Variants in CNTN4 observed in about 807,000 individuals in gnomAD.
The protein encoded by CNTN4 is contactin-4.
Under a neutral mutation model 122.5 loss-of-function variants are expected in CNTN4, and 77 were observed. The ratio of observed to expected loss-of-function variants is 0.63; its 90% CI spans 0.52 to 0.76. The LOEUF (loss-of-function observed/expected upper bound fraction) is 0.76, where lower values mean the gene tolerates loss of function less well. Among genes scored for constraint, CNTN4 ranks in the 30% least tolerant of loss-of-function variants. The probability of loss-of-function intolerance (pLI) is 0.00; values close to 1 mark genes in which losing one functional copy is unlikely to be tolerated. For missense variants in CNTN4, 1,256 were observed against 1,259.1 expected, an observed-to-expected ratio of 1.00 and a Z score of 0.04; for synonymous variants, 512 against 447.0, an observed-to-expected ratio of 1.15 and a Z score of -1.83.
intron 5 of CNTN4, among the ~76,000 whole-genome samples, chr3:2,744,663 T>G (rs1339076282): frequency 2.0e-5 from 3 of 152,226 alleles, no homozygotes; most frequent in Non-Finnish European, 1.5e-5. Context: ...TTTAAATGAC[T>G]TCTGAAAGGA....
chr3:2,654,476 T>C (rs1413971503), intron 4 of CNTN4, among the ~76,000 whole-genome samples: 1 of 152,242 alleles, frequency 6.6e-6, no homozygotes, highest in Non-Finnish European at 1.5e-5. Context: ...TACAATCCTT[T>C]TTTCTCATGC....
At chr3:2,496,690 C>G (rs1390583486) in intron 3 of CNTN4, among the ~76,000 whole-genome samples, 3 of 152,220 alleles carry the variant, frequency 2.0e-5, no homozygotes, top group Middle Eastern at 3.4e-3. Context: ...GTTCAGTTCC[C>G]TTTTCCAAAG....
At chr3:2,818,546 G>T (rs1256538586) in intron 6 of CNTN4, among the ~76,000 whole-genome samples, 1 of 152,044 alleles carries the variant, frequency 6.6e-6, no homozygotes, top group Non-Finnish European at 1.5e-5. Context: ...TAAATCAAAT[G>T]TAATAGACAA....
chr3:2,260,595 A>G (rs1476404734), intron 2 of CNTN4, among the ~76,000 whole-genome samples: 1 of 152,182 alleles, frequency 6.6e-6, no homozygotes, highest in African/African-American at 2.4e-5. Flanking sequence ...AAGCTCACTC[A>G]TACAGATTCC....
chr3:2,194,718 G>C (rs897137730), intron 2 of CNTN4, among the ~76,000 whole-genome samples: 2 of 152,138 alleles, frequency 1.3e-5, no homozygotes, highest in African/African-American at 4.8e-5. Context: ...TTGACAGGCA[G>C]GCAAAATGCC....
intron 2 of CNTN4, among the ~76,000 whole-genome samples, chr3:2,246,035 A>G (rs569934000): frequency 2.6e-5 from 4 of 152,070 alleles, no homozygotes; most frequent in African/African-American, 9.6e-5. Flanking sequence ...CTCTTAGATA[A>G]ATACCTTTCT....
chr3:2,460,856 G>A (rs2049178548), intron 3 of CNTN4, among the ~76,000 whole-genome samples: 1 of 151,730 alleles, frequency 6.6e-6, no homozygotes, highest in South Asian at 2.1e-4. Flanking sequence ...GTGGTGCCAT[G>A]ATAATCACTG....
In CNTN4 at chr3:2,684,738, A is replaced by T. The variant is rs184873834; in HGVS notation, c.56-51477A>T. On this transcript the variant is annotated intron_variant, in intron 4 of 24. Coordinates refer to ENST00000418658, the MANE Select transcript of CNTN4 (RefSeq NM_175607.3). ...TCAAAGTACTTACATAAGCTTCAAC[A>T]TTTTTTCCTTGTCTATGGTCATATT... is the stretch of plus-strand genomic sequence containing the variant. Among the ~76,000 whole-genome samples the T allele has an allele frequency of 1.2e-3, 180 of 152,218 alleles. 1 individual carries two copies. The highest frequency in any genetic ancestry group is 4.1e-4 in the South Asian group (2 of 4,832).
chr3:2,711,947 TCTTC>T (rs1185065971), intron 4 of CNTN4, among the ~76,000 whole-genome samples: 4 of 152,234 alleles, frequency 2.6e-5, no homozygotes, highest in Admixed American at 6.5e-5. Context: ...TTTTTAAAAC[TCTTC>T]CTTCATTATA....
At chr3:2,680,257 A>C (rs1223690639) in intron 4 of CNTN4, among the ~76,000 whole-genome samples, 1 of 152,204 alleles carries the variant, frequency 6.6e-6, no homozygotes, top group Admixed American at 6.5e-5. Context: ...CAAGGCTTCA[A>C]AAAGAGGGAG....
chr3:2,178,947 T>C (rs2036883001), intron 2 of CNTN4, among the ~76,000 whole-genome samples: 1 of 152,006 alleles, frequency 6.6e-6, no homozygotes, highest in South Asian at 2.1e-4. Context: ...ATCCTTTAGG[T>C]TGGAACTGAG....
chr3:2,912,513 T>C (rs1397663068), intron 12 of CNTN4, among the ~76,000 whole-genome samples: 2 of 152,160 alleles, frequency 1.3e-5, no homozygotes, highest in African/African-American at 4.8e-5. Flanking sequence ...TAGATAAAGG[T>C]AAACATACAG....
chr3:2,874,267 C>T (rs2093818040), intron 8 of CNTN4, among the ~76,000 whole-genome samples: 1 of 152,114 alleles, frequency 6.6e-6, no homozygotes, highest in African/African-American at 2.4e-5. Flanking sequence ...GTGTGGCACA[C>T]TATGAAATAA....
intron 14 of CNTN4, among the ~76,000 whole-genome samples, chr3:2,999,746 C>T (rs1260001816): frequency 1.3e-5 from 2 of 152,120 alleles, no homozygotes; most frequent in Non-Finnish European, 2.9e-5. Context: ...TCCTAAAAGC[C>T]GTACTTCTTA....
chr3:3,031,360 C>G (rs1424465692), intron 16 of CNTN4, among the ~76,000 whole-genome samples: 1 of 152,160 alleles, frequency 6.6e-6, no homozygotes, highest in Admixed American at 6.5e-5. Flanking sequence ...TCCTAGGCCA[C>G]TGGTATAACA....
At chr3:3,000,890 T>A (rs1695970181) in intron 14 of CNTN4, among the ~76,000 whole-genome samples, 1 of 151,766 alleles carries the variant, frequency 6.6e-6, no homozygotes. Flanking sequence ...CTTTTTTTTT[T>A]TTTTTTGCTT....
intron 2 of CNTN4, among the ~76,000 whole-genome samples, chr3:2,181,368 A>G (rs570498089): frequency 1.3e-5 from 2 of 152,058 alleles, no homozygotes; most frequent in Non-Finnish European, 2.9e-5. Flanking sequence ...AGTGATGTAT[A>G]AGGGGACAGG....
intron 4 of CNTN4, among the ~76,000 whole-genome samples, chr3:2,708,863 C>CT (rs1017759667): frequency 1.3e-5 from 2 of 152,026 alleles, no homozygotes; most frequent in East Asian, 1.9e-4. Context: ...GAAGATAAAT[C>CT]TTTTTTAAAA....
intron 13 of CNTN4, among the ~76,000 whole-genome samples, chr3:2,986,878 A>G (rs1230111147): frequency 6.6e-6 from 1 of 152,232 alleles, no homozygotes; most frequent in Non-Finnish European, 1.5e-5. Context: ...GACAGACACC[A>G]TCCCTTCCCT....
Sources: gnomAD v4.1 joint callset for allele counts (sites outside exome capture counted in the v4.1 genomes callset) on GRCh38, gnomAD v4.1.1 for gene constraint, MANE v1.5 for transcripts, NCBI Gene and HGNC (gene_info 2026-07-23, HGNC 2026-07-21) for gene names.